Variants in NEO1 observed in about 807,000 individuals in gnomAD.
NEO1 encodes neogenin.
Under a neutral mutation model 159.7 loss-of-function variants are expected in NEO1, and 63 were observed. That is an observed-to-expected ratio of 0.39 (90% CI 0.32 to 0.49). The LOEUF (loss-of-function observed/expected upper bound fraction) is 0.49, where lower values mean the gene tolerates loss of function less well. Ranked by LOEUF, NEO1 falls within the 20% of genes least tolerant of loss-of-function variation. The probability of loss-of-function intolerance (pLI) is 0.85; values close to 1 mark genes in which losing one functional copy is unlikely to be tolerated. For synonymous variants in NEO1, 633 were observed against 662.0 expected, an observed-to-expected ratio of 0.96 and a Z score of 0.67; for missense variants, 1,615 against 1,831.0, an observed-to-expected ratio of 0.88 and a Z score of 2.15.
chr15:73,151,902 G>A (rs142509007), intron 5 of NEO1, among the ~76,000 whole-genome samples: 2 of 152,292 alleles, frequency 1.3e-5, no homozygotes, highest in East Asian at 3.9e-4. Context: ...CTCATGTGCT[G>A]TGAAATACCT....
At chr15:73,106,723 G>A (rs187827287) in intron 1 of NEO1, among the ~76,000 whole-genome samples, 251 of 152,290 alleles carry the variant, frequency 1.6e-3, no homozygotes, top group African/African-American at 5.7e-3. Context: ...TCTCTTTGTG[G>A]TGTAGTTTTC....
At chr15:73,278,696 C>G (rs1175499151) in intron 22 of NEO1, among the ~76,000 whole-genome samples, 1 of 152,214 alleles carries the variant, frequency 6.6e-6, no homozygotes, top group African/African-American at 2.4e-5. Context: ...CATATATAAG[C>G]TACTTTCACA....
Position 73,126,554 on chromosome 15 carries a change from G to A in NEO1, c.862G>A (p.Ala288Thr), listed in dbSNP as rs192950211. The A allele has an allele frequency of 8.7e-6, 14 of 1,613,212 alleles. No homozygotes were observed. In the Admixed American group the frequency reaches 2.3e-4, roughly 27 times the overall value. The change falls in exon 4 of 29, where the codon GCA (alanine) becomes ACA (threonine). Residue 288 changes from alanine to threonine, a missense_variant. By Grantham distance (58) the Ala-to-Thr change is moderately conservative. Coordinates refer to ENST00000261908, the MANE Select transcript of NEO1 (RefSeq NM_002499.4). ...CATTAAATGGATGAAAAATGAGGAG[G>A]CACTTGACACAGAAAGGTAAGTGTT... Reference protein sequence around the residue: ...PTIKWMKNEEALDTESSERLV... With the variant: ...PTIKWMKNEETLDTESSERLV...
At chr15:73,180,272 T>G (rs149203445) in intron 7 of NEO1, among the ~76,000 whole-genome samples, 42 of 152,326 alleles carry the variant, frequency 2.8e-4, no homozygotes, top group African/African-American at 9.9e-4. Flanking sequence ...TTCACTAACA[T>G]GGCATATATG....
intron 1 of NEO1, among the ~76,000 whole-genome samples, chr15:73,095,807 T>A (rs1468946795): frequency 6.6e-6 from 1 of 152,162 alleles, no homozygotes. Context: ...ATGAAAAAAC[T>A]ATGCATGGAT....
In NEO1 at chr15:73,149,304, A is replaced by T. The variant is rs186067407; in HGVS notation, c.1015+13277A>T. Among the ~76,000 whole-genome samples the T allele has an allele frequency of 2.4e-3, 361 of 148,932 alleles. 4 individuals carry two copies. The highest frequency in any genetic ancestry group is 7.8e-3 in the African/African-American group (309 of 39,448). On this transcript the variant is annotated intron_variant, in intron 5 of 28. Coordinates refer to ENST00000261908, the MANE Select transcript of NEO1 (RefSeq NM_002499.4). ...CACTCCAGCCTGGCGACAGAGTAAGACTCGGTCTAAAAAAAAAAAAAACAG... is the reference window on the plus strand; with the variant it reads ...CACTCCAGCCTGGCGACAGAGTAAGTCTCGGTCTAAAAAAAAAAAAAACAG...
intron 7 of NEO1, among the ~76,000 whole-genome samples, chr15:73,200,852 T>G (rs2036841815): frequency 6.6e-6 from 1 of 151,592 alleles, no homozygotes; most frequent in Non-Finnish European, 1.5e-5. Context: ...CCCGGCTAAT[T>G]TTTGTATTTT....
chr15:73,224,716 A>G (rs894123602), intron 7 of NEO1, among the ~76,000 whole-genome samples: 1 of 151,768 alleles, frequency 6.6e-6, no homozygotes, highest in African/African-American at 2.4e-5. Context: ...TTCTTGTATC[A>G]TTTTTTGGAT....
intron 9 of NEO1, among the ~76,000 whole-genome samples, chr15:73,247,039 G>A (rs1035727010): frequency 6.6e-6 from 1 of 152,130 alleles, no homozygotes; most frequent in African/African-American, 2.4e-5. Context: ...AGGAAAATAG[G>A]CAGCATAACC....
intron 4 of NEO1, among the ~76,000 whole-genome samples, chr15:73,130,174 A>C (rs1334420016): frequency 6.6e-6 from 1 of 152,062 alleles, no homozygotes; most frequent in Non-Finnish European, 1.5e-5. Context: ...GGGTTTCACC[A>C]TGTTGGCCAG....
intron 16 of NEO1, among the ~76,000 whole-genome samples, chr15:73,267,925 G>A (rs1567649375): frequency 6.6e-6 from 1 of 152,154 alleles, no homozygotes; most frequent in Non-Finnish European, 1.5e-5. Context: ...TTATTGTCCA[G>A]TGATATCTGC....
rs1172406291 is a variant in NEO1 at position 73,258,813 on chromosome 15, A to G, written c.2140A>G (p.Ile714Val). The G allele has an allele frequency of 6.2e-6, 10 of 1,613,810 alleles. No individual in the cohort carries two copies. The highest frequency in any genetic ancestry group is 3.3e-5 in the South Asian group (3 of 91,080). ...TAATTTCCGAGTGGCTGCTCTAACA[A>G]TCAATGGTACAGGCCCGGCAACTGA... Reference protein sequence around the residue: ...EYNFRVAALTINGTGPATDWL... With the variant: ...EYNFRVAALTVNGTGPATDWL... The change falls in exon 14 of 29, where the codon ATC becomes GTC. Residue 714 changes from isoleucine to valine, a missense_variant. Ile to Val is a conservative substitution (Grantham distance 29, BLOSUM62 3). This residue lies in a region of NEO1 where 1,018 missense variants were observed against 1,115.4 expected (regional missense o/e 0.91). Coordinates refer to ENST00000261908, the MANE Select transcript of NEO1 (RefSeq NM_002499.4).
chr15:73,293,560 G>A lies in NEO1; in HGVS notation c.3901+12G>A, dbSNP rs2042240770. The A allele has an allele frequency of 2.5e-6, 4 of 1,610,966 alleles. No homozygotes were observed. Among genetic ancestry groups the A allele is most frequent in the African/African-American group, 1.3e-5 (1 of 74,830 alleles). ...GGCCAATTCCACAGGTGAGAGATGA[G>A]GATCAAGCCCAGATGGAAACCATTC... On this transcript the variant is annotated intron_variant, in intron 26 of 28. Transcript: ENST00000261908.
At chr15:73,215,843 T>A (rs1374882056) in intron 7 of NEO1, among the ~76,000 whole-genome samples, 1 of 152,176 alleles carries the variant, frequency 6.6e-6, no homozygotes, top group Non-Finnish European at 1.5e-5. Flanking sequence ...TGTGGAATAG[T>A]GTCAAAAGGA....
intron 7 of NEO1, among the ~76,000 whole-genome samples, chr15:73,209,899 A>G (rs1373529141): frequency 6.6e-6 from 1 of 152,150 alleles, no homozygotes; most frequent in African/African-American, 2.4e-5. Flanking sequence ...GCTACTCAGG[A>G]GGCTGAGGCA....
At chr15:73,106,325 A>G (rs985537013) in intron 1 of NEO1, among the ~76,000 whole-genome samples, 1 of 152,230 alleles carries the variant, frequency 6.6e-6, no homozygotes, top group African/African-American at 2.4e-5. Flanking sequence ...GAAATATAGT[A>G]CAAGCCAAAT....
In NEO1 at chr15:73,068,144, C is replaced by T. The variant is rs150557161; in HGVS notation, c.130+15339C>T. Among the ~76,000 whole-genome samples the T allele has an allele frequency of 2.4e-3, 365 of 151,682 alleles. 7 individuals carry two copies. Among genetic ancestry groups the T allele is most frequent in the Admixed American group, 0.021 (324 of 15,202 alleles). The stretch of plus-strand genomic sequence containing the variant: ...ATGAGACAGGGAGGTTTACTGCTAA[C>T]GCATTGTTTGCAATGCTGAGATTCA... On this transcript the variant is annotated intron_variant, in intron 1 of 28. Coordinates refer to ENST00000261908, the MANE Select transcript of NEO1 (RefSeq NM_002499.4).
At chr15:73,119,344 A>G (rs1263954778) in intron 2 of NEO1, among the ~76,000 whole-genome samples, 1 of 152,212 alleles carries the variant, frequency 6.6e-6, no homozygotes, top group African/African-American at 2.4e-5. Context: ...TTTGGTTGCA[A>G]GCAGTAGAAA....
chr15:73,164,095 T>G (rs140341929), intron 5 of NEO1, among the ~76,000 whole-genome samples: 2,100 of 151,132 alleles, frequency 0.014, 44 homozygotes, highest in African/African-American at 0.049. Context: ...TGGTGCAATC[T>G]CAGCTCACTG....
Sources: gnomAD v4.1 joint callset for allele counts (sites outside exome capture counted in the v4.1 genomes callset) on GRCh38, gnomAD v4.1.1 for gene constraint, gnomAD v4.1.1 regional missense constraint, MANE v1.5 for transcripts, NCBI Gene and HGNC (gene_info 2026-07-23, HGNC 2026-07-21) for gene names.